Variants in ARHGAP22 observed in about 807,000 individuals in gnomAD.
The protein encoded by ARHGAP22 is Rho GTPase activating protein 22, also known as rho GTPase-activating protein 22.
A neutral mutation model predicts 59.1 loss-of-function variants in ARHGAP22; 48 were observed. That is an observed-to-expected ratio of 0.81 (90% CI 0.64 to 1.03). ARHGAP22 has a LOEUF of 1.03. Ranked by LOEUF, ARHGAP22 falls within the 50% of genes least tolerant of loss-of-function variation. The pLI is 0.00. For synonymous variants in ARHGAP22, 445 were observed against 416.4 expected, an observed-to-expected ratio of 1.07 and a Z score of -0.84; for missense variants, 1,015 against 958.7, an observed-to-expected ratio of 1.06 and a Z score of -0.78.
chr10:48,500,362 C>T (rs201083149), intron 3 of ARHGAP22, among the ~76,000 whole-genome samples: 1 of 124,434 alleles, frequency 8.0e-6, no homozygotes, highest in Non-Finnish European at 1.6e-5. Flanking sequence ...ACAAAAACAA[C>T]AACAAAAACC....
At chr10:48,553,127 A>T (rs1398913698) in intron 3 of ARHGAP22, among the ~76,000 whole-genome samples, 3 of 152,216 alleles carry the variant, frequency 2.0e-5, no homozygotes, top group Non-Finnish European at 2.9e-5. Flanking sequence ...AGGGGAGCAG[A>T]GGGGACCACT....
intron 3 of ARHGAP22, among the ~76,000 whole-genome samples, chr10:48,512,948 G>A (rs1433500453): frequency 1.3e-5 from 2 of 152,208 alleles, no homozygotes; most frequent in African/African-American, 4.8e-5. Context: ...ATTTCTCAAA[G>A]ATTCTCATTC....
chr10:48,587,618 A>T (rs1025904575), intron 1 of ARHGAP22, among the ~76,000 whole-genome samples: 3 of 152,170 alleles, frequency 2.0e-5, no homozygotes, highest in Admixed American at 2.0e-4. Context: ...ATCTCTTATC[A>T]GAGAATCTTC....
chr10:48,514,409 T>C (rs2053093007), intron 3 of ARHGAP22, among the ~76,000 whole-genome samples: 1 of 151,888 alleles, frequency 6.6e-6, no homozygotes, highest in Non-Finnish European at 1.5e-5. Context: ...TCAGAAACCA[T>C]GGAAACCAGA....
At chr10:48,591,460 G>A (rs1306202517) in intron 1 of ARHGAP22, among the ~76,000 whole-genome samples, 1 of 152,180 alleles carries the variant, frequency 6.6e-6, no homozygotes, top group Non-Finnish European at 1.5e-5. Context: ...ATGGGAGAGA[G>A]AGGAAATACT....
intron 1 of ARHGAP22, among the ~76,000 whole-genome samples, chr10:48,648,107 T>G (rs191714170): frequency 8.7e-4 from 133 of 152,248 alleles, no homozygotes; most frequent in Admixed American, 1.7e-3. Flanking sequence ...AAAACTGGAT[T>G]GTGATGATGG....
At chr10:48,523,780 C>G (rs7088885) in intron 3 of ARHGAP22, among the ~76,000 whole-genome samples, 131,551 of 151,892 alleles carry the variant, frequency 0.87, 57,546 homozygotes, top group Non-Finnish European at 0.9. Flanking sequence ...CCCTCCCCTC[C>G]GCTCTACCCA....
chr10:48,458,057 G>A (rs1358896552), intron 5 of ARHGAP22, among the ~76,000 whole-genome samples: 1 of 152,094 alleles, frequency 6.6e-6, no homozygotes, highest in Non-Finnish European at 1.5e-5. Context: ...GGCAGAAAGT[G>A]GGAAGGATGG....
intron 2 of ARHGAP22, among the ~76,000 whole-genome samples, chr10:48,558,281 T>G (rs1482862225): frequency 6.6e-6 from 1 of 152,228 alleles, no homozygotes; most frequent in Non-Finnish European, 1.5e-5. Flanking sequence ...ATATTTTGAA[T>G]ACTTTTTAAC....
intron 3 of ARHGAP22, among the ~76,000 whole-genome samples, chr10:48,538,616 A>G (rs1000686806): frequency 6.6e-6 from 1 of 152,210 alleles, no homozygotes; most frequent in Non-Finnish European, 1.5e-5. Flanking sequence ...ATGCTGAACT[A>G]TTAGTATTTT....
Position 48,604,975 on chromosome 10 carries a change from T to C in ARHGAP22, c.-179A>G. Reference sequence around the variant, plus strand: ...CTGGCTCCGGACGGACGGCTCGCCTTGGACTACATAAACCTCGATGCATTA... The same window carrying C: ...CTGGCTCCGGACGGACGGCTCGCCTCGGACTACATAAACCTCGATGCATTA... On this transcript the variant is annotated 5_prime_UTR_variant, in exon 1 of 10. Coordinates refer to ENST00000249601, the MANE Select transcript of ARHGAP22 (RefSeq NM_021226.4). The C allele has an allele frequency of 6.7e-7, 1 of 1,486,282 alleles. No homozygotes were observed. Among genetic ancestry groups the C allele is most frequent in the Non-Finnish European group, 8.9e-7 (1 of 1,123,362 alleles). 92.1% of individuals were successfully genotyped at this position (1,486,282 alleles called of 1,614,324 possible).
chr10:48,602,544 C>T (rs939964576), intron 1 of ARHGAP22, among the ~76,000 whole-genome samples: 2 of 152,094 alleles, frequency 1.3e-5, no homozygotes, highest in Non-Finnish European at 2.9e-5. Flanking sequence ...AAAGATGAGG[C>T]CAAATTTCCT....
chr10:48,524,029 G>A, intron 3 of ARHGAP22: 1 of 1,470,838 alleles, frequency 6.8e-7, no homozygotes, highest in Non-Finnish European at 9.0e-7. Flanking sequence ...CAGGGAGCGG[G>A]GCGCACGTGC....
intron 1 of ARHGAP22, among the ~76,000 whole-genome samples, chr10:48,584,755 G>A (rs866483964): frequency 1.6e-4 from 25 of 152,366 alleles, no homozygotes; most frequent in African/African-American, 5.5e-4. Flanking sequence ...AGCACTTTGG[G>A]AGGCCAAGGC....
intron 5 of ARHGAP22, among the ~76,000 whole-genome samples, chr10:48,458,232 GCC>G (rs2046764514): frequency 6.6e-6 from 1 of 152,138 alleles, no homozygotes; most frequent in Non-Finnish European, 1.5e-5. Flanking sequence ...GGTAGAAGCA[GCC>G]AGAGAGGGAG....
intron 1 of ARHGAP22, among the ~76,000 whole-genome samples, chr10:48,642,256 A>C (rs1331342002): frequency 2.0e-5 from 3 of 151,990 alleles, no homozygotes; most frequent in Non-Finnish European, 4.4e-5. Context: ...TCATATGGAA[A>C]CAAAAAAGAG....
chr10:48,441,451 A>T (rs1486042307), downstream of ARHGAP22, among the ~76,000 whole-genome samples: 38 of 131,972 alleles, frequency 2.9e-4, 1 homozygote, highest in South Asian at 1.2e-3. Flanking sequence ...AACCAAAGGC[A>T]TTTTTTTTTT....
At position 48,450,854 on chromosome 10, in the gene ARHGAP22, C is replaced by T. The variant is rs756988935; in HGVS notation, c.1275G>A (p.Leu425=). ...GCCGGAAGGAGGACTTCCAACTGGGCAGGGTCTGCACCTTCTTCCCAGGGC... is the reference window on the plus strand; with the variant it reads ...GCCGGAAGGAGGACTTCCAACTGGGTAGGGTCTGCACCTTCTTCCCAGGGC... ...RCSPGKKVQT[L]PSWKSSFRQP... The change falls in exon 9 of 10, where the codon CTG becomes CTA. Residue 425 remains leucine (L), a synonymous_variant. Transcript: ENST00000249601. 1 of 1,590,718 alleles carries T rather than the reference C, an allele frequency of 6.3e-7. No individual in the cohort carries two copies. Among genetic ancestry groups the T allele is most frequent in the Non-Finnish European group, 8.6e-7 (1 of 1,169,126 alleles).
chr10:48,555,649 C>A, intron 2 of ARHGAP22, 99 bp from the exon 3 acceptor site: 1 of 1,165,502 alleles, frequency 8.6e-7, no homozygotes, highest in Non-Finnish European at 1.3e-6. Context: ...GACCTGGGGC[C>A]CTCCAGGCCA....
Sources: gnomAD v4.1 joint callset for allele counts (sites outside exome capture counted in the v4.1 genomes callset) on GRCh38, gnomAD v4.1.1 for gene constraint, MANE v1.5 for transcripts, NCBI Gene and HGNC (gene_info 2026-07-23, HGNC 2026-07-21) for gene names.